Variants in OR3A2 observed in about 807,000 individuals in gnomAD.
OR3A2 encodes the protein olfactory receptor 3A2.
For synonymous variants in OR3A2, 126 were observed against 159.3 expected (o/e 0.79, Z 1.57); for missense variants, 318 against 392.8 (o/e 0.81, Z 1.61).
chr17:3,383,596 G>A (rs1393384057), intron 2 of OR3A2, among the ~76,000 whole-genome samples: 2 of 152,098 alleles, frequency 1.3e-5, no homozygotes, highest in South Asian at 2.1e-4. Context: ...TTTGGGGAGT[G>A]CAGGTTAGGA....
intron 2 of OR3A2, among the ~76,000 whole-genome samples, chr17:3,375,746 G>A (rs949727136): frequency 1.3e-5 from 2 of 152,140 alleles, no homozygotes; most frequent in African/African-American, 4.8e-5. Context: ...GGAAAAATCT[G>A]GAACTCAAGG....
chr17:3,372,847 A>AGAGGGAGAG (rs2049643258), intron 2 of OR3A2, among the ~76,000 whole-genome samples: 14 of 65,112 alleles, frequency 2.2e-4, no homozygotes, highest in African/African-American at 5.1e-4. Context: ...GAGAAGGAGA[A>AGAGGGAGAG]GGAGAGGGAG....
Position 3,358,158 on chromosome 17 carries a change from T to C in OR3A2, c.-178-22032A>G, listed in dbSNP as rs151314436. Among the ~76,000 whole-genome samples, 457 of 151,804 alleles carry C rather than the reference T, an allele frequency of 3.0e-3. 17 individuals are homozygous for C. Among genetic ancestry groups the C allele is most frequent in the Middle Eastern group, 0.017 (5 of 294 alleles). The stretch of plus-strand genomic sequence containing the variant: ...TTATATCATATAACCACTAAAAAAA[T>C]TAAATTAGCAATTTAAAATTTTCTC... On this transcript the variant is annotated intron_variant, in intron 2 of 4. Coordinates refer to the OR3A2 transcript ENST00000573491.
intron 2 of OR3A2, among the ~76,000 whole-genome samples, chr17:3,340,914 A>G (rs978754061): frequency 1.1e-4 from 16 of 152,180 alleles, no homozygotes; most frequent in African/African-American, 3.4e-4. Flanking sequence ...CTCTTTGTAG[A>G]TCTCTCAGGA....
chr17:3,315,762 GCGGTAGTAAGAT>G (rs2049077553), intron 3 of OR3A2, among the ~76,000 whole-genome samples: 2 of 84,508 alleles, frequency 2.4e-5, no homozygotes, highest in Non-Finnish European at 2.1e-5. Flanking sequence ...GGGGGGGGGG[GCGGTAGTAAGAT>G]GAGTAGTAAG....
In OR3A2 at chr17:3,311,590, C is replaced by T; in HGVS notation, c.-85+24443G>A. The T allele has an allele frequency of 2.5e-6, 1 of 407,446 alleles. No individual in the cohort carries two copies. The highest frequency in any genetic ancestry group is 5.0e-6 in the Non-Finnish European group (1 of 201,162). The allele number at this position is 407,446 out of a possible 1,614,324, so 25.2% of individuals were successfully genotyped here. A position where few individuals can be genotyped will look rare whatever the true frequency, so the allele number is the denominator to read the frequency against. On this transcript the variant is annotated intron_variant, in intron 3 of 4. Transcript: ENST00000573491. This position sits in a 1 kb window ranked among gnomAD's most constrained non-coding sequence, Gnocchi z 4.6. ...CAGCATCCACCTCAATGGGCAGCTG[C>T]TGCTTGTGGGGGCCACCTTCATAGG...
chr17:3,300,356 C>T (rs546743123), intron 3 of OR3A2, among the ~76,000 whole-genome samples: 2 of 152,178 alleles, frequency 1.3e-5, no homozygotes, highest in East Asian at 1.9e-4. Flanking sequence ...GTCAGGAGTT[C>T]GAGACCAGCC....
At chr17:3,320,726 C>T (rs894003279) in intron 3 of OR3A2, among the ~76,000 whole-genome samples, 1 of 151,870 alleles carries the variant, frequency 6.6e-6, no homozygotes, top group Non-Finnish European at 1.5e-5. Context: ...CTGTTCTGTT[C>T]CATTGGTCTA....
chr17:3,294,789 C>G (rs73977626), intron 3 of OR3A2, among the ~76,000 whole-genome samples: 2,141 of 152,214 alleles, frequency 0.014, 34 homozygotes, highest in African/African-American at 0.048. Flanking sequence ...GAAGAACATG[C>G]CTGCAGTCTC....
At chr17:3,288,246 C>CAAAAAAAAAAAAAAAAAAAAAAAAAAAA, upstream of OR3A2, among the ~76,000 whole-genome samples, 1 of 73,486 alleles carries the variant, frequency 1.4e-5, no homozygotes, top group Non-Finnish European at 2.8e-5. Context: ...ACCAAAAGGG[C>CAAAAAAAAAAAAAAAAAAAAAAAAAAAA]AAAAAAAAAA....
At chr17:3,369,994 G>A (rs921416430) in intron 2 of OR3A2, among the ~76,000 whole-genome samples, 1 of 151,886 alleles carries the variant, frequency 6.6e-6, no homozygotes, top group African/African-American at 2.4e-5. Flanking sequence ...TGTAGATGAT[G>A]GGTTTCGTCA....
chr17:3,365,189 T>G (rs2049552281), intron 2 of OR3A2, among the ~76,000 whole-genome samples: 1 of 152,166 alleles, frequency 6.6e-6, no homozygotes, highest in Non-Finnish European at 1.5e-5. Flanking sequence ...CTACAAAAAT[T>G]CATAGTTCCC....
At chr17:3,375,865 T>C (rs1329062627) in intron 2 of OR3A2, among the ~76,000 whole-genome samples, 1 of 152,132 alleles carries the variant, frequency 6.6e-6, no homozygotes, top group Non-Finnish European at 1.5e-5. Flanking sequence ...GATTGTTATT[T>C]GTCTTCTGGG....
intron 2 of OR3A2, among the ~76,000 whole-genome samples, chr17:3,349,116 G>T (rs576313886): frequency 6.6e-6 from 1 of 152,036 alleles, no homozygotes; most frequent in Non-Finnish European, 1.5e-5. Context: ...GGAAGAAACC[G>T]CATCAACTAA....
At chr17:3,374,595 T>C (rs191026769) in intron 2 of OR3A2, among the ~76,000 whole-genome samples, 98 of 152,336 alleles carry the variant, frequency 6.4e-4, no homozygotes, top group African/African-American at 2.2e-3. Context: ...TCCCAATGTA[T>C]TTTGCATTTC....
intron 3 of OR3A2, among the ~76,000 whole-genome samples, chr17:3,322,742 TG>T (rs2049135338): frequency 6.6e-6 from 1 of 152,178 alleles, no homozygotes; most frequent in South Asian, 2.1e-4. Flanking sequence ...AGAGACAGTT[TG>T]TTATAATTTC....
chr17:3,325,157 T>A lies in OR3A2; in HGVS notation c.-85+10876A>T, dbSNP rs1222927253. Among the ~76,000 whole-genome samples, 3 of 151,558 alleles carry A rather than the reference T, an allele frequency of 2.0e-5. No individual in the cohort carries two copies. The Admixed American group carries it at 2.0e-4, about 10-fold the overall frequency. On this transcript the variant is annotated intron_variant, in intron 3 of 4. Coordinates refer to the OR3A2 transcript ENST00000573491. The stretch of plus-strand genomic sequence containing the variant: ...TTTAGTAAATGTTGTGATAAAGGGG[T>A]ACAACTTTATTTTAACTCTACAGCT...
At chr17:3,292,571 T>C in intron 3 of OR3A2, 1 of 1,606,014 alleles carries the variant, frequency 6.2e-7, no homozygotes, top group Non-Finnish European at 8.5e-7. Context: ...TGGCCCCAGA[T>C]TCTGGCTGCA....
chr17:3,284,235 G>T (rs1452835770), intron 1 of OR3A2, 123 bp downstream of exon 3: 2 of 151,060 alleles, frequency 1.3e-5, no homozygotes, highest in Non-Finnish European at 2.9e-5. Flanking sequence ...GTAGTGCCAG[G>T]TCTTCCCCTA....
Sources: gnomAD v4.1 joint callset for allele counts (sites outside exome capture counted in the v4.1 genomes callset) on GRCh38, gnomAD v4.1.1 for gene constraint, Gnocchi (gnomAD v3.1) non-coding constraint, MANE v1.5 for transcripts, NCBI Gene and HGNC (gene_info 2026-07-23, HGNC 2026-07-21) for gene names.